The following BDP1 variants were observed in gnomAD, a reference collection of about 807,000 sequenced individuals.
BDP1 encodes the protein transcription factor TFIIIB component B'' homolog.
A neutral mutation model predicts 266.6 loss-of-function variants in BDP1; 169 were observed. The ratio of observed to expected loss-of-function variants is 0.63; its 90% confidence interval spans 0.56 to 0.72. The LOEUF (loss-of-function observed/expected upper bound fraction) is 0.72. BDP1 is among the 30% of genes least tolerant of loss of function. The probability of loss-of-function intolerance (pLI) is 0.00; values close to 1 mark genes in which losing one functional copy is unlikely to be tolerated. For missense variants in BDP1, 3,015 were observed against 3,053.8 expected (o/e 0.99, Z 0.30); for synonymous variants, 1,090 against 1,022.4 (o/e 1.07, Z -1.26).
intron 36 of BDP1, among the ~76,000 whole-genome samples, chr5:71,559,424 C>T (rs1173169515): frequency 6.6e-6 from 1 of 152,190 alleles, no homozygotes; most frequent in Admixed American, 6.5e-5. Context: ...AGAGCTAAAA[C>T]ACTCTCTCTG....
intron 19 of BDP1, 91 bp downstream of exon 19, chr5:71,513,498 T>G: frequency 1.3e-6 from 1 of 775,086 alleles, no homozygotes; most frequent in South Asian, 1.9e-5. Flanking sequence ...ATTAAAATTC[T>G]ACAAATATTT....
chr5:71,523,966 T>A lies in BDP1; in HGVS notation c.5415T>A (p.Ser1805Arg), dbSNP rs767692986. ...GTCCACAACCGTTAAACGAAACAAG[T>A]TACTCTAAAATTGCCCTGGATGGGA... ...TSCPQPLNETSYSKIALDGKT... is the reference protein window; with the variant it reads ...TSCPQPLNETRYSKIALDGKT... Residue 1805 changes from serine to arginine, a missense_variant, in exon 25 of 39, where the codon AGT becomes AGA. Around this residue, in one of 3 missense-constraint regions of BDP1, gnomAD observed 2,383 missense variants for 2,404.9 expected, o/e 0.99. Transcript: ENST00000358731. The A allele has an allele frequency of 1.9e-6, 3 of 1,613,734 alleles. No homozygotes were observed. The South Asian group carries it at 3.3e-5, about 18-fold the overall frequency.
chr5:71,473,262 A>ATTTT (rs869174435), intron 7 of BDP1, among the ~76,000 whole-genome samples: 2 of 59,970 alleles, frequency 3.3e-5, no homozygotes, highest in African/African-American at 1.4e-4. Flanking sequence ...TCTTAATGTA[A>ATTTT]TTTTTTTTTT....
intron 33 of BDP1, among the ~76,000 whole-genome samples, chr5:71,549,115 G>C (rs1024493872): frequency 1.3e-5 from 2 of 152,296 alleles, no homozygotes; most frequent in African/African-American, 4.8e-5. Flanking sequence ...GCATGCACCT[G>C]TAATCCCATC....
chr5:71,532,515 TAA>T (rs2150536952), intron 26 of BDP1, 88 bp downstream of exon 26: 1 of 1,292,026 alleles, frequency 7.7e-7, no homozygotes, highest in South Asian at 1.5e-5. Flanking sequence ...TTTAGGTTTA[TAA>T]ACACTTTACT....
chr5:71,542,442 A>G (rs559839040), intron 30 of BDP1, among the ~76,000 whole-genome samples, 177 bp downstream of exon 30: 1 of 152,322 alleles, frequency 6.6e-6, no homozygotes, highest in African/African-American at 2.4e-5. Flanking sequence ...GGTTTTAGTA[A>G]TTAATACCAT....
At chr5:71,502,844 AAT>A in intron 15 of BDP1, 53 bp downstream of exon 15, 1 of 1,372,774 alleles carries the variant, frequency 7.3e-7, no homozygotes, top group South Asian at 1.3e-5. Flanking sequence ...CATGAGCCTT[AAT>A]ATAAGCTTCC....
intron 25 of BDP1, among the ~76,000 whole-genome samples, chr5:71,530,425 A>G (rs1014019675): frequency 6.6e-6 from 1 of 151,446 alleles, no homozygotes; most frequent in South Asian, 2.1e-4. Flanking sequence ...TTTATTTTCA[A>G]TAGAGATGGG....
Position 71,509,970 on chromosome 5 carries a change from A to G in BDP1, c.2878A>G (p.Thr960Ala), listed in dbSNP as rs1244612307. The change falls in exon 17 of 39, where the codon ACT becomes GCT. Residue 960 changes from threonine (T) to alanine (A), a missense_variant. Around this residue, in one of 3 missense-constraint regions of BDP1, gnomAD observed 2,383 missense variants for 2,404.9 expected, o/e 0.99. Coordinates refer to ENST00000358731, the MANE Select transcript of BDP1 (RefSeq NM_018429.3). ...TGAAGTGGAGACAGATTTGAAAGCA[A>G]CTGGAAATGAGAGTTCCCCAAGGGA... Reference protein sequence around the residue: ...LGEVETDLKATGNESSPREKT... With the variant: ...LGEVETDLKAAGNESSPREKT... 5 of 1,613,624 alleles carry G rather than the reference A, an allele frequency of 3.1e-6. No homozygotes were observed. The highest frequency in any genetic ancestry group is 4.2e-6 in the Non-Finnish European group (5 of 1,179,950).
intron 13 of BDP1, among the ~76,000 whole-genome samples, chr5:71,501,340 T>A (rs945828306): frequency 2.0e-5 from 3 of 152,122 alleles, no homozygotes; most frequent in Admixed American, 2.0e-4. Flanking sequence ...CATGCCTGGC[T>A]AATTTTTTGT....
In BDP1 at chr5:71,486,481, CAG is replaced by C. The variant is rs1763270077; in HGVS notation, c.1070_1071del. 6.5e-7 allele frequency: 1 copy of C among 1,535,930 alleles called. No homozygotes were observed. ...GAAAGTTCTTTTCCTTTTCTTTAAA[CAG>C]AGGAAAAGCGCCCTTTTGACTTCGA... On this transcript the variant is annotated splice_acceptor_variant, in intron 8 of 38. Coordinates refer to ENST00000358731, the MANE Select transcript of BDP1 (RefSeq NM_018429.3). LOFTEE classifies it high-confidence loss of function.
chr5:71,533,468 A>T (rs368212949), intron 26 of BDP1, among the ~76,000 whole-genome samples: 35 of 124,770 alleles, frequency 2.8e-4, no homozygotes, highest in African/African-American at 3.3e-4. Flanking sequence ...TGTTCGGTGG[A>T]TTTTTTTTTT....
rs909948108 is a variant in BDP1, at chr5:71,509,774, C to T, written c.2682C>T (p.Asp894=). ...PREKILDVID[D]TIEMETGLKA... ...AGAAGATTCTAGATGTGATTGATGACACCATAGAAATGGAGACAGGTCTGA... is the reference window on the plus strand; with the variant it reads ...AGAAGATTCTAGATGTGATTGATGATACCATAGAAATGGAGACAGGTCTGA... Residue 894 remains aspartate, a synonymous_variant, in exon 17 of 39, where the codon GAC becomes GAT. Transcript: ENST00000358731. 6.2e-7 allele frequency: 1 copy of T among 1,614,144 alleles called. No individual in the cohort carries two copies. The highest frequency in any genetic ancestry group is 1.7e-5 in the Admixed American group (1 of 60,004).
At position 71,509,938 on chromosome 5, in the gene BDP1, C is replaced by T. The variant is rs746509676; in HGVS notation, c.2846C>T (p.Pro949Leu). 6.8e-6 allele frequency: 11 copies of T among 1,613,320 alleles called. No homozygotes were observed. Among genetic ancestry groups the T allele is most frequent in the Non-Finnish European group, 9.3e-6 (11 of 1,179,928 alleles). The change falls in exon 17 of 39, where the codon CCT becomes CTT. Residue 949 changes from proline (P) to leucine (L), a missense_variant. Pro to Leu is a moderately conservative substitution (Grantham distance 98). Around this residue, in one of 3 missense-constraint regions of BDP1, gnomAD observed 2,383 missense variants for 2,404.9 expected, o/e 0.99. Coordinates refer to ENST00000358731, the MANE Select transcript of BDP1 (RefSeq NM_018429.3). ...PQKNGPEEVK[P>L]LGEVETDLKA... is the part of the protein sequence containing the mutation. Reference sequence around the variant, plus strand: ...AAAAATGGCCCAGAGGAGGTTAAGCCTCTAGGTGAAGTGGAGACAGATTTG... The same window carrying T: ...AAAAATGGCCCAGAGGAGGTTAAGCTTCTAGGTGAAGTGGAGACAGATTTG...
In BDP1 at chr5:71,512,420, T is replaced by C. The variant is rs758186705; in HGVS notation, c.4239T>C (p.Ile1413=). ...ATGTTCCAGAGCAGTTTTCAGATAT[T>C]AATTTAAGGTACAAGTGTGTTTTTA... ...SPDVPEQFSD[I]NLSKSLPQEQ... The change falls in exon 18 of 39, where the codon ATT becomes ATC. Residue 1413 remains isoleucine, a synonymous_variant. Coordinates refer to ENST00000358731, the MANE Select transcript of BDP1 (RefSeq NM_018429.3). 9 of 1,533,984 alleles carry C rather than the reference T, an allele frequency of 5.9e-6. No homozygotes were observed. The highest frequency in any genetic ancestry group is 7.0e-6 in the Non-Finnish European group (8 of 1,148,294).
At position 71,561,651 on chromosome 5, in the gene BDP1, C is replaced by T. The variant is rs144863445; in HGVS notation, c.7497-623C>T. Among the ~76,000 whole-genome samples the T allele has an allele frequency of 4.3e-3, 653 of 152,226 alleles. 5 individuals are homozygous for T. The highest frequency in any genetic ancestry group is 0.015 in the African/African-American group (613 of 41,544). ...TAAAACATACTCACAGAATTGGGTG[C>T]GGGGCTGCATGTGGCCTGTAGAGCA... On this transcript the variant is annotated intron_variant, in intron 37 of 38. Coordinates refer to ENST00000358731, the MANE Select transcript of BDP1 (RefSeq NM_018429.3).
At position 71,560,073 on chromosome 5, in the gene BDP1, T is replaced by G; in HGVS notation, c.7332T>G (p.Phe2444Leu). ...AAAGACAGCAAGTTGAAGCAGCTTT[T>G]CAGAGTAGAGGATCTAGATCTCCTG... ...EPQRQQVEAA[F>L]QSRGSRSPDA... Residue 2444 changes from phenylalanine (F) to leucine (L), a missense_variant, in exon 37 of 39, where the codon TTT becomes TTG. Physicochemically the swap from Phe to Leu is conservative, Grantham distance 22. Around this residue, in one of 3 missense-constraint regions of BDP1, gnomAD observed 629 missense variants for 632.5 expected, o/e 0.99. Transcript: ENST00000358731. 2.0e-5 allele frequency: 32 copies of G among 1,614,084 alleles called. No individual in the cohort carries two copies. Among genetic ancestry groups the G allele is most frequent in the Non-Finnish European group, 2.7e-5 (32 of 1,180,012 alleles).
chr5:71,471,097 A>G (rs1379833592), intron 7 of BDP1, among the ~76,000 whole-genome samples: 1 of 151,830 alleles, frequency 6.6e-6, no homozygotes, highest in Non-Finnish European at 1.5e-5. Context: ...ACATAATGAA[A>G]AGAGAAGATA....
the BDP1 span, among the ~76,000 whole-genome samples, chr5:71,575,369 A>G: frequency 6.6e-6 from 1 of 152,242 alleles, no homozygotes; most frequent in Non-Finnish European, 1.5e-5. Flanking sequence ...ACAAACCCAT[A>G]TGGGTGGATC....
Sources: gnomAD v4.1 joint callset for allele counts (sites outside exome capture counted in the v4.1 genomes callset) on GRCh38, gnomAD v4.1.1 for gene constraint, gnomAD v4.1.1 regional missense constraint, MANE v1.5 for transcripts, NCBI Gene and HGNC (gene_info 2026-07-23, HGNC 2026-07-21) for gene names.